ZNF521: variants seen among roughly 807,000 people sequenced by gnomAD.
ZNF521 encodes zinc finger protein 521.
ZNF521 carries 14 observed loss-of-function variants against 105.5 expected under a neutral mutation model. That is an observed-to-expected ratio of 0.13 (90% CI 0.09 to 0.21). ZNF521 has a LOEUF of 0.21. ZNF521 is among the 10% of genes least tolerant of loss of function. The probability of loss-of-function intolerance (pLI) is 1.00; values close to 1 mark genes in which losing one functional copy is unlikely to be tolerated. For synonymous variants in ZNF521, 635 were observed against 606.0 expected (o/e 1.05, Z -0.70); for missense variants, 1,233 against 1,629.7 (o/e 0.76, Z 4.19).
rs547922415 is a variant in ZNF521, at chr18:25,174,570, G to A, written c.3658+20590C>T. On this transcript the variant is annotated intron_variant, in intron 5 of 7. Coordinates refer to ENST00000361524, the MANE Select transcript of ZNF521 (RefSeq NM_015461.3). ...CTGAGAGAAGCAAGCTTGGTCTGCA[G>A]CTTAGCAGCTGCACAGGCTCGCCAA... Among the ~76,000 whole-genome samples, 12 of 152,336 alleles carry A rather than the reference G, an allele frequency of 7.9e-5. No individual in the cohort carries two copies. In the South Asian group the frequency reaches 1.9e-3, roughly 24 times the overall value.
chr18:25,291,268 G>A (rs1485709860), intron 3 of ZNF521, among the ~76,000 whole-genome samples: 1 of 152,058 alleles, frequency 6.6e-6, no homozygotes, highest in Non-Finnish European at 1.5e-5. Context: ...ATACAAAAAT[G>A]TAAACATTAA....
chr18:25,109,464 C>T (rs991946918), intron 5 of ZNF521, among the ~76,000 whole-genome samples: 4 of 152,120 alleles, frequency 2.6e-5, no homozygotes, highest in African/African-American at 4.8e-5. Flanking sequence ...TGGGTAGAAG[C>T]CCAGTAGTGG....
chr18:25,149,205 A>G (rs1041294604), intron 5 of ZNF521, among the ~76,000 whole-genome samples: 23 of 152,208 alleles, frequency 1.5e-4, no homozygotes, highest in African/African-American at 4.6e-4. Context: ...CAGACCCTCC[A>G]TGCGGTATGA....
chr18:25,216,890 C>T (rs188086166), intron 4 of ZNF521, among the ~76,000 whole-genome samples: 82 of 152,194 alleles, frequency 5.4e-4, no homozygotes, highest in Non-Finnish European at 1.1e-3. Context: ...AAAAGAAAAT[C>T]CTAAAGGGCA....
chr18:25,082,709 G>A (rs1439888034), intron 7 of ZNF521: 1 of 410,514 alleles, frequency 2.4e-6, no homozygotes, highest in East Asian at 7.5e-5. Context: ...GGGTGTGGCA[G>A]TGTGAACCTG....
chr18:25,083,911 C>T (rs2144181711), intron 7 of ZNF521, among the ~76,000 whole-genome samples: 1 of 147,370 alleles, frequency 6.8e-6, no homozygotes, highest in East Asian at 2.0e-4. Flanking sequence ...CCTGGGACCA[C>T]AGGCACCTCA....
At chr18:25,241,709 G>T (rs1230831117) in intron 3 of ZNF521, among the ~76,000 whole-genome samples, 2 of 152,130 alleles carry the variant, frequency 1.3e-5, no homozygotes, top group African/African-American at 4.8e-5. Context: ...GGGGGAAAAT[G>T]TGCACATCTT....
intron 4 of ZNF521, among the ~76,000 whole-genome samples, chr18:25,208,529 G>C (rs972748057): frequency 6.6e-6 from 1 of 151,904 alleles, no homozygotes; most frequent in African/African-American, 2.4e-5. Flanking sequence ...TTACCTGGTC[G>C]TTTAGTTTTC....
intron 2 of ZNF521, chr18:25,322,436 C>G (rs1775736214): frequency 9.3e-6 from 5 of 537,156 alleles, no homozygotes; most frequent in South Asian, 9.2e-5. Flanking sequence ...CATCAAATCA[C>G]TCACCCACTC....
chr18:25,207,970 T>A (rs894492780), intron 4 of ZNF521, among the ~76,000 whole-genome samples: 1 of 152,152 alleles, frequency 6.6e-6, no homozygotes, highest in African/African-American at 2.4e-5. Context: ...GTATATAATA[T>A]GAAAGGTGAG....
chr18:25,281,198 A>T (rs182455758), intron 3 of ZNF521, among the ~76,000 whole-genome samples: 1 of 152,216 alleles, frequency 6.6e-6, no homozygotes, highest in Non-Finnish European at 1.5e-5. Flanking sequence ...AAACTTTTTC[A>T]TAGAAAACCA....
At chr18:25,248,128 C>T (rs1385642461) in intron 3 of ZNF521, among the ~76,000 whole-genome samples, 1 of 152,082 alleles carries the variant, frequency 6.6e-6, no homozygotes, top group Non-Finnish European at 1.5e-5. Context: ...TACTTAAAGT[C>T]AGCTATCTTG....
intron 3 of ZNF521, among the ~76,000 whole-genome samples, chr18:25,249,172 C>T (rs544508857): frequency 2.0e-5 from 3 of 150,036 alleles, no homozygotes; most frequent in African/African-American, 7.4e-5. Context: ...GATACAGAGT[C>T]TCGCTCTGTC....
intron 3 of ZNF521, among the ~76,000 whole-genome samples, chr18:25,236,252 G>A (rs1906879133): frequency 6.6e-6 from 1 of 152,140 alleles, no homozygotes; most frequent in African/African-American, 2.4e-5. Context: ...TCAGAGATGA[G>A]GGGCTGGGCG....
intron 5 of ZNF521, among the ~76,000 whole-genome samples, chr18:25,095,149 A>C (rs2033826213): frequency 1.3e-5 from 2 of 151,970 alleles, no homozygotes; most frequent in Admixed American, 1.3e-4. Context: ...TCTTTCCCCT[A>C]TCTGGTATAA....
intron 5 of ZNF521, among the ~76,000 whole-genome samples, chr18:25,097,091 T>C (rs2033867345): frequency 6.6e-6 from 1 of 152,082 alleles, no homozygotes; most frequent in African/African-American, 2.4e-5. Flanking sequence ...ATTTATAAGC[T>C]AGGGGTCCGA....
At chr18:25,194,719 TTA>T (rs763637088) in intron 5 of ZNF521, among the ~76,000 whole-genome samples, 12 of 151,660 alleles carry the variant, frequency 7.9e-5, no homozygotes, top group Non-Finnish European at 1.5e-4. Context: ...TTTAAATTAT[TTA>T]TGTTTCCCTA....
At chr18:25,276,090 C>G (rs1167001442) in intron 3 of ZNF521, among the ~76,000 whole-genome samples, 2 of 152,098 alleles carry the variant, frequency 1.3e-5, no homozygotes, top group Non-Finnish European at 2.9e-5. Context: ...TTGGTGCCAC[C>G]ATACAGGTAA....
chr18:25,251,903 T>C (rs1908145050), intron 3 of ZNF521, among the ~76,000 whole-genome samples: 1 of 152,218 alleles, frequency 6.6e-6, no homozygotes, highest in Non-Finnish European at 1.5e-5. Context: ...GAGTTTACCA[T>C]GTAATTTACC....
Sources: allele counts gnomAD v4.1 joint callset (sites outside exome capture counted in the v4.1 genomes callset), GRCh38; gene constraint gnomAD v4.1.1; transcripts MANE v1.5; gene names NCBI Gene and HGNC (gene_info 2026-07-23, HGNC 2026-07-21).